NELL1: variants seen among roughly 807,000 people sequenced by gnomAD.
NELL1 encodes the protein protein kinase C-binding protein NELL1.
Under a neutral mutation model 107.4 loss-of-function variants are expected in NELL1, and 76 were observed. The observed-to-expected ratio is 0.71, with a 90% confidence interval of 0.59 to 0.86. The LOEUF (loss-of-function observed/expected upper bound fraction) is 0.86, where lower values mean the gene tolerates loss of function less well. Among genes scored for constraint, NELL1 ranks in the 40% least tolerant of loss-of-function variants. NELL1 has a pLI of 0.00. For missense variants in NELL1, 1,024 were observed against 1,005.5 expected (o/e 1.02, Z -0.25); for synonymous variants, 353 against 341.2 (o/e 1.03, Z -0.38).
intron 14 of NELL1, among the ~76,000 whole-genome samples, chr11:21,369,234 T>G (rs543997607): frequency 4.6e-5 from 7 of 152,064 alleles, no homozygotes; most frequent in Non-Finnish European, 8.8e-5. Context: ...AACACTTTAC[T>G]GTTCTTTGAA....
chr11:21,444,768 C>A (rs1853377922), intron 15 of NELL1, among the ~76,000 whole-genome samples: 1 of 152,026 alleles, frequency 6.6e-6, no homozygotes, highest in Non-Finnish European at 1.5e-5. Context: ...TTAAAATGTA[C>A]AATTATTATT....
chr11:21,208,943 G>A (rs1857443682), intron 13 of NELL1, among the ~76,000 whole-genome samples: 1 of 152,114 alleles, frequency 6.6e-6, no homozygotes, highest in African/African-American at 2.4e-5. Context: ...CCTGAGCTTA[G>A]CAGAGAATCA....
At chr11:21,213,579 G>A in intron 13 of NELL1, among the ~76,000 whole-genome samples, 1 of 152,020 alleles carries the variant, frequency 6.6e-6, no homozygotes, top group East Asian at 1.9e-4. Flanking sequence ...ATTTTGAATT[G>A]AATATTAAGG....
chr11:21,198,229 G>C (rs999429770), intron 13 of NELL1, among the ~76,000 whole-genome samples: 3 of 152,224 alleles, frequency 2.0e-5, no homozygotes, highest in African/African-American at 7.2e-5. Flanking sequence ...GCTGGGTTCT[G>C]AGAAGCAGTG....
At chr11:21,236,181 A>G (rs1484207020) in intron 14 of NELL1, among the ~76,000 whole-genome samples, 4 of 151,842 alleles carry the variant, frequency 2.6e-5, no homozygotes, top group Admixed American at 6.6e-5. Flanking sequence ...CTCAAATCCC[A>G]TTTTTCCTTG....
At chr11:20,851,449 A>G (rs953684378) in intron 4 of NELL1, among the ~76,000 whole-genome samples, 1 of 152,076 alleles carries the variant, frequency 6.6e-6, no homozygotes, top group African/African-American at 2.4e-5. Context: ...GATTATCTCC[A>G]TTGCCTTGGG....
chr11:21,200,191 T>G (rs1393969363), intron 13 of NELL1, among the ~76,000 whole-genome samples: 1 of 152,172 alleles, frequency 6.6e-6, no homozygotes, highest in Non-Finnish European at 1.5e-5. Flanking sequence ...AAATGGTATT[T>G]CTAGTTCTAG....
At chr11:20,893,234 A>T (rs1304118614) in intron 5 of NELL1, among the ~76,000 whole-genome samples, 1 of 151,940 alleles carries the variant, frequency 6.6e-6, no homozygotes, top group Non-Finnish European at 1.5e-5. Context: ...CAGAGAGGGG[A>T]ACAACATACC....
At chr11:21,458,621 C>G (rs567774408) in intron 15 of NELL1, among the ~76,000 whole-genome samples, 69 of 151,968 alleles carry the variant, frequency 4.5e-4, no homozygotes, top group Non-Finnish European at 8.5e-4. Flanking sequence ...AACAAAAAAG[C>G]TGAATGCAGA....
At chr11:21,255,258 TAA>T (rs1245443872) in intron 14 of NELL1, among the ~76,000 whole-genome samples, 2 of 152,132 alleles carry the variant, frequency 1.3e-5, no homozygotes, top group East Asian at 3.9e-4. Context: ...TCAGCTTTCT[TAA>T]GATTGTTGAT....
chr11:21,372,924 A>G (rs1018585119), intron 15 of NELL1, among the ~76,000 whole-genome samples: 4 of 152,012 alleles, frequency 2.6e-5, no homozygotes, highest in Non-Finnish European at 5.9e-5. Context: ...CAGTGCTTAC[A>G]GTCTGGTTTG....
intron 13 of NELL1, among the ~76,000 whole-genome samples, chr11:21,173,179 T>C (rs572949464): frequency 6.6e-6 from 1 of 151,938 alleles, no homozygotes; most frequent in South Asian, 2.1e-4. Flanking sequence ...AACAGGTCTT[T>C]GGTATGAGAC....
chr11:21,063,021 T>C (rs1429493576), intron 12 of NELL1, among the ~76,000 whole-genome samples: 3 of 151,960 alleles, frequency 2.0e-5, no homozygotes, highest in African/African-American at 4.8e-5. Flanking sequence ...TGTGTATATG[T>C]ATTTTTAGGA....
intron 14 of NELL1, among the ~76,000 whole-genome samples, chr11:21,243,597 A>G (rs1858417986): frequency 6.6e-6 from 1 of 152,180 alleles, no homozygotes; most frequent in Non-Finnish European, 1.5e-5. Context: ...GCACATGCAC[A>G]TAACACGTGA....
In NELL1 at chr11:20,783,901, A is replaced by G. The variant is rs180781216; in HGVS notation, c.335+71A>G. 8.5e-6 allele frequency: 12 copies of G among 1,420,066 alleles called. No individual in the cohort carries two copies. The Admixed American group carries it at 9.4e-5, about 11-fold the overall frequency. The allele number at this position is 1,420,066 out of a possible 1,614,324, so 88.0% of individuals were successfully genotyped here. On this transcript the variant is annotated intron_variant, in intron 3 of 19. Coordinates refer to ENST00000357134, the MANE Select transcript of NELL1 (RefSeq NM_006157.5). The stretch of plus-strand genomic sequence containing the variant: ...GGTTATACAAAATGTCTTGGGATTT[A>G]GAGTTTGTAGCCCCATGAAAACTTT...
At chr11:21,309,300 G>GTATATA (rs1409905383) in intron 14 of NELL1, among the ~76,000 whole-genome samples, 1 of 58,142 alleles carries the variant, frequency 1.7e-5, no homozygotes, top group Admixed American at 2.2e-4. Flanking sequence ...ATATATATAT[G>GTATATA]TATATATATA....
chr11:20,834,978 C>T (rs1362305846), intron 3 of NELL1, among the ~76,000 whole-genome samples: 1 of 152,184 alleles, frequency 6.6e-6, no homozygotes, highest in Non-Finnish European at 1.5e-5. Flanking sequence ...CCCCAACTTA[C>T]CTTTCTGTTG....
intron 13 of NELL1, among the ~76,000 whole-genome samples, chr11:21,187,050 T>G (rs1320451396): frequency 1.3e-5 from 2 of 151,940 alleles, no homozygotes; most frequent in African/African-American, 4.9e-5. Context: ...GTGACTCACG[T>G]GATTTCACTT....
rs536452678 is a variant in NELL1, at chr11:21,177,176, A to G, written c.1427-52156A>G. Among the ~76,000 whole-genome samples the G allele has an allele frequency of 3.3e-5, 5 of 151,896 alleles. No individual in the cohort carries two copies. The South Asian group carries it at 1.0e-3, about 32-fold the overall frequency. On this transcript the variant is annotated intron_variant, in intron 13 of 19. Transcript: ENST00000357134. ...CACATTATTATGAACTATAGTCGCC[A>G]TGCTATGCAATAGATGACCAGAACT...
Sources: allele counts gnomAD v4.1 joint callset (sites outside exome capture counted in the v4.1 genomes callset), GRCh38; gene constraint gnomAD v4.1.1; transcripts MANE v1.5; gene names NCBI Gene and HGNC (gene_info 2026-07-23, HGNC 2026-07-21).